The following SGK1 variants were observed in gnomAD, a reference collection of about 807,000 sequenced individuals.
SGK1 encodes the protein serine/threonine-protein kinase Sgk1.
Under a neutral mutation model 64.2 loss-of-function variants are expected in SGK1, and 26 were observed. The observed-to-expected ratio is 0.40, with a 90% CI of 0.30 to 0.56. SGK1 has a LOEUF of 0.56. Among genes scored for constraint, SGK1 ranks in the 20% least tolerant of loss-of-function variants. SGK1 has a pLI of 0.38. For missense variants in SGK1, 519 were observed against 645.6 expected, an observed-to-expected ratio of 0.80 and a Z score of 2.12; for synonymous variants, 265 against 239.7, an observed-to-expected ratio of 1.11 and a Z score of -0.98.
chr6:134,183,511 C>T (rs1040737216), intron 3 of SGK1, among the ~76,000 whole-genome samples: 2 of 152,184 alleles, frequency 1.3e-5, no homozygotes, highest in Non-Finnish European at 2.9e-5. Context: ...CGTTGCTGTA[C>T]TCAGGGAGGG....
chr6:134,274,794 C>T (rs983598218), intron 1 of SGK1, among the ~76,000 whole-genome samples: 2 of 149,006 alleles, frequency 1.3e-5, no homozygotes, highest in African/African-American at 2.5e-5. Flanking sequence ...TTAGTCTTTT[C>T]TTTTCTTTTC....
chr6:134,174,723 T>C (rs998065063), intron 3 of SGK1, 137 bp from the exon 4 acceptor site: 1 of 1,614,178 alleles, frequency 6.2e-7, no homozygotes, highest in South Asian at 1.1e-5. Context: ...GCAAGATTCC[T>C]GCACTCACCG....
intron 2 of SGK1, among the ~76,000 whole-genome samples, chr6:134,220,724 G>A (rs1359038007): frequency 6.6e-6 from 1 of 152,130 alleles, no homozygotes; most frequent in Non-Finnish European, 1.5e-5. Context: ...ATGTCAACAG[G>A]AGTATAATGA....
chr6:134,219,621 G>A lies in SGK1; in HGVS notation c.286-12190C>T, dbSNP rs570493119. On this transcript the variant is annotated intron_variant, in intron 2 of 13. Transcript: ENST00000367858. ...ACTAAAAATATAAAAATAGCCGGGC[G>A]TAGTGGCGCATGCCTGTAATCCCAG... Among the ~76,000 whole-genome samples, 212 of 151,966 alleles carry A rather than the reference G, an allele frequency of 1.4e-3. 1 individual carries two copies. The highest frequency in any genetic ancestry group is 9.8e-4 in the East Asian group (5 of 5,110).
At chr6:134,180,871 CA>C (rs11345877) in intron 3 of SGK1, among the ~76,000 whole-genome samples, 71,245 of 127,870 alleles carry the variant, frequency 0.56, 18,189 homozygotes, top group African/African-American at 0.66. Context: ...GATCCTATCT[CA>C]AAAAAAAAAA....
At chr6:134,219,439 A>G (rs1776043009) in intron 2 of SGK1, among the ~76,000 whole-genome samples, 1 of 152,090 alleles carries the variant, frequency 6.6e-6, no homozygotes, top group South Asian at 2.1e-4. Context: ...CCAGGCCAAG[A>G]TATCTAGATT....
At chr6:134,299,564 A>T (rs1284227831) in intron 1 of SGK1, among the ~76,000 whole-genome samples, 1 of 152,140 alleles carries the variant, frequency 6.6e-6, no homozygotes, top group Non-Finnish European at 1.5e-5. Flanking sequence ...AGGTATGCTG[A>T]TGTGTGCAGA....
chr6:134,297,709 GT>G, intron 1 of SGK1: 1 of 449,620 alleles, frequency 2.2e-6, no homozygotes. Flanking sequence ...CACCCTGTTG[GT>G]CAGGCTGGTC....
At chr6:134,296,456 G>A (rs749255844) in intron 1 of SGK1, among the ~76,000 whole-genome samples, 3 of 151,972 alleles carry the variant, frequency 2.0e-5, no homozygotes, top group Non-Finnish European at 4.4e-5. Flanking sequence ...ATTTTTTGTA[G>A]AGACAGGATC....
chr6:134,308,946 G>C (rs780696945), intron 1 of SGK1, among the ~76,000 whole-genome samples: 4 of 152,166 alleles, frequency 2.6e-5, no homozygotes, highest in Non-Finnish European at 5.9e-5. Flanking sequence ...AAGAGAGAGA[G>C]ACAGGAGAGA....
intron 3 of SGK1, 39 bp from the exon 4 acceptor site, chr6:134,174,625 G>C: frequency 3.1e-6 from 5 of 1,605,738 alleles, no homozygotes; most frequent in Non-Finnish European, 3.4e-6. Context: ...ACGTTTAGAC[G>C]GCTTCATAAC....
In SGK1 at chr6:134,204,266, A is replaced by G. The variant is rs1395038689; in HGVS notation, c.361+3090T>C. On this transcript the variant is annotated intron_variant, in intron 3 of 13. Coordinates refer to ENST00000367858, the MANE Select transcript of SGK1 (RefSeq NM_001143676.3). ...TAAATAAATAAATAAATAAATAAATAATTACTCTAGACATAGATCCTACTT... is the reference window on the plus strand; with the variant it reads ...TAAATAAATAAATAAATAAATAAATGATTACTCTAGACATAGATCCTACTT... Among the ~76,000 whole-genome samples the G allele has an allele frequency of 2.0e-5, 3 of 150,460 alleles. No individual in the cohort carries two copies. In the South Asian group the frequency reaches 6.2e-4, roughly 31 times the overall value.
intron 1 of SGK1, among the ~76,000 whole-genome samples, chr6:134,265,522 T>C (rs373001092): frequency 1.0e-3 from 149 of 147,234 alleles, no homozygotes; most frequent in Non-Finnish European, 1.8e-3. Context: ...ATTTTATATA[T>C]ACATATATAT....
intron 2 of SGK1, among the ~76,000 whole-genome samples, chr6:134,217,390 G>A (rs1776003555): frequency 1.3e-5 from 2 of 152,156 alleles, no homozygotes; most frequent in South Asian, 2.1e-4. Context: ...GTGGGCCCTT[G>A]TTCCTGTGCT....
At chr6:134,232,438 A>G (rs1322315737) in intron 2 of SGK1, among the ~76,000 whole-genome samples, 1 of 56,636 alleles carries the variant, frequency 1.8e-5, no homozygotes, top group Non-Finnish European at 4.3e-5. Flanking sequence ...AAAGAAAGAA[A>G]GAAAGAAAGA....
intron 1 of SGK1, among the ~76,000 whole-genome samples, chr6:134,300,082 T>C (rs1047231524): frequency 4.6e-5 from 7 of 152,206 alleles, no homozygotes; most frequent in Admixed American, 1.3e-4. Context: ...AGGGAAGTAC[T>C]TTTCTCTCTC....
rs1326947567 is a variant in SGK1, at chr6:134,297,902, G to A, written c.69+19490C>T. ...GGTACATGCTCTCAGCCTCACTCCG[G>A]CTGCGGTTGGTGATCTCCTCGTACT... On this transcript the variant is annotated intron_variant, in intron 1 of 13. Transcript: ENST00000367858. 4 of 808,286 alleles carry A rather than the reference G, an allele frequency of 4.9e-6. No homozygotes were observed. The African/African-American group carries it at 6.7e-5, about 14-fold the overall frequency. The allele number at this position is 808,286 out of a possible 1,614,324, so 50.1% of individuals were successfully genotyped here.
intron 1 of SGK1, among the ~76,000 whole-genome samples, chr6:134,305,528 G>A (rs371891210): frequency 2.7e-5 from 4 of 147,352 alleles, no homozygotes; most frequent in African/African-American, 5.1e-5. Context: ...AGCCATGATC[G>A]CACCACTGCA....
At chr6:134,227,926 A>C (rs1366365087) in intron 2 of SGK1, among the ~76,000 whole-genome samples, 1 of 150,046 alleles carries the variant, frequency 6.7e-6, no homozygotes, top group East Asian at 2.0e-4. Flanking sequence ...GAAATAGAAG[A>C]CTGAATGGAA....
Sources: allele counts gnomAD v4.1 joint callset (sites outside exome capture counted in the v4.1 genomes callset), GRCh38; gene constraint gnomAD v4.1.1; transcripts MANE v1.5; gene names NCBI Gene and HGNC (gene_info 2026-07-23, HGNC 2026-07-21).